TNRC6C: variants seen among roughly 807,000 people sequenced by gnomAD.
TNRC6C encodes trinucleotide repeat containing adaptor 6C.
A neutral mutation model predicts 153.7 loss-of-function variants in TNRC6C; 20 were observed. The observed-to-expected ratio is 0.13, with a 90% confidence interval of 0.09 to 0.19. TNRC6C has a LOEUF of 0.19. Among genes scored for constraint, TNRC6C ranks in the 10% least tolerant of loss-of-function variants. TNRC6C has a pLI of 1.00. For synonymous variants in TNRC6C, 811 were observed against 841.4 expected (o/e 0.96, Z 0.63); for missense variants, 1,987 against 2,172.0 (o/e 0.91, Z 1.69).
chr17:78,036,753 A>G (rs1022010511), intron 2 of TNRC6C, among the ~76,000 whole-genome samples: 4 of 151,790 alleles, frequency 2.6e-5, no homozygotes, highest in African/African-American at 9.7e-5. Context: ...GCGAAACCCC[A>G]TCTCTACTAA....
intron 1 of TNRC6C, among the ~76,000 whole-genome samples, chr17:78,029,676 A>C (rs755607788): frequency 2.0e-5 from 3 of 152,202 alleles, no homozygotes; most frequent in Admixed American, 1.3e-4. Flanking sequence ...TCACTCTTTC[A>C]TAATAACACT....
chr17:78,025,807 G>A (rs1336006979), intron 1 of TNRC6C, among the ~76,000 whole-genome samples: 1 of 152,122 alleles, frequency 6.6e-6, no homozygotes, highest in African/African-American at 2.4e-5. Context: ...TCTATATCAA[G>A]GCCAGGGAAA....
At chr17:78,093,838 T>C in intron 16 of TNRC6C, 75 bp downstream of exon 18, 2 of 1,578,284 alleles carry the variant, frequency 1.3e-6, no homozygotes, top group South Asian at 1.1e-5. Context: ...GGGTGACAGG[T>C]TGGGCTGTGA....
chr17:77,991,986 A>C (rs940113151), intron 1 of TNRC6C, among the ~76,000 whole-genome samples: 11 of 152,152 alleles, frequency 7.2e-5, no homozygotes, highest in African/African-American at 2.7e-4. Flanking sequence ...CTCTCCTTGA[A>C]GATGCAGGTG....
At chr17:78,070,276 C>A (rs1479354094) in intron 5 of TNRC6C, among the ~76,000 whole-genome samples, 2 of 152,036 alleles carry the variant, frequency 1.3e-5, no homozygotes, top group African/African-American at 4.8e-5. Context: ...TTGAAATAGC[C>A]CCAAAATAAG....
At chr17:77,998,120 C>T (rs1463327767) in intron 1 of TNRC6C, among the ~76,000 whole-genome samples, 1 of 152,086 alleles carries the variant, frequency 6.6e-6, no homozygotes, top group Non-Finnish European at 1.5e-5. Context: ...CAGAATAATT[C>T]TGTCGCCCAA....
At chr17:78,090,895 G>A (rs1216655592) in intron 13 of TNRC6C, among the ~76,000 whole-genome samples, 2 of 152,222 alleles carry the variant, frequency 1.3e-5, no homozygotes, top group African/African-American at 4.8e-5. Flanking sequence ...CTGTTTCATA[G>A]GTGGTACTTT....
chr17:78,037,871 A>G (rs932927173), intron 2 of TNRC6C, among the ~76,000 whole-genome samples: 1 of 152,230 alleles, frequency 6.6e-6, no homozygotes, highest in African/African-American at 2.4e-5. Flanking sequence ...AAGAGACTGA[A>G]AAAGCATAAT....
In TNRC6C at chr17:78,049,867, A is replaced by G; in HGVS notation, c.805A>G (p.Asn269Asp). The stretch of plus-strand genomic sequence containing the variant: ...TAGCAATTCTGGGTTCAGTCAGGGG[A>G]ATGGAGACACTGTGAACTCAGCATT... The change falls in exon 3 of 20, where the codon AAT becomes GAT. Residue 269 changes from asparagine to aspartate, a missense_variant. Physicochemically the swap from Asn to Asp is conservative, Grantham distance 23. This residue lies in a region of TNRC6C where 1,052 missense variants were observed against 1,017.0 expected (regional missense o/e 1.03). Coordinates refer to ENST00000301624, the Ensembl canonical transcript of TNRC6C. The surrounding 1 kb of genome is among the most constrained non-coding windows in gnomAD (Gnocchi z 4.1). The G allele has an allele frequency of 6.2e-7, 1 of 1,613,996 alleles. No individual in the cohort carries two copies. The highest frequency in any genetic ancestry group is 8.5e-7 in the Non-Finnish European group (1 of 1,179,882).
intron 2 of TNRC6C, among the ~76,000 whole-genome samples, chr17:78,038,636 G>A (rs1385187698): frequency 6.8e-6 from 1 of 147,882 alleles, no homozygotes; most frequent in African/African-American, 2.5e-5. Flanking sequence ...CTGAGATGGT[G>A]CCACTGCACT....
At chr17:78,088,886 C>G (rs1026657982) in intron 13 of TNRC6C, among the ~76,000 whole-genome samples, 1 of 151,434 alleles carries the variant, frequency 6.6e-6, no homozygotes, top group Non-Finnish European at 1.5e-5. Context: ...TCCTAAAATG[C>G]ATTAGCTTCA....
chr17:77,998,865 T>TA (rs762186682), intron 1 of TNRC6C, among the ~76,000 whole-genome samples: 11 of 152,256 alleles, frequency 7.2e-5, no homozygotes, highest in Non-Finnish European at 1.6e-4. Context: ...GAGTATGTCA[T>TA]ATAGACTTTT....
chr17:78,062,133 T>C (rs1373258247), intron 3 of TNRC6C, among the ~76,000 whole-genome samples: 1 of 152,224 alleles, frequency 6.6e-6, no homozygotes, highest in Non-Finnish European at 1.5e-5. Context: ...TCCTTTCAAT[T>C]TGTAAAACTA....
intron 1 of TNRC6C, among the ~76,000 whole-genome samples, chr17:78,018,276 A>G (rs1012127727): frequency 2.0e-5 from 3 of 152,088 alleles, no homozygotes; most frequent in Non-Finnish European, 2.9e-5. Context: ...ACAGGTGTGC[A>G]TCACCACGCC....
intron 5 of TNRC6C, among the ~76,000 whole-genome samples, chr17:78,068,755 G>A (rs1245186191): frequency 1.3e-5 from 2 of 152,016 alleles, no homozygotes; most frequent in African/African-American, 4.8e-5. Context: ...AGCCAAGATC[G>A]CCTCACTGCA....
chr17:77,999,088 G>C (rs2071372447), intron 1 of TNRC6C, among the ~76,000 whole-genome samples: 1 of 152,176 alleles, frequency 6.6e-6, no homozygotes, highest in African/African-American at 2.4e-5. Flanking sequence ...CCTTTGTTCT[G>C]CTGTTTTGAG....
At chr17:78,033,037 C>T (rs2072106039) in intron 2 of TNRC6C, among the ~76,000 whole-genome samples, 1 of 152,156 alleles carries the variant, frequency 6.6e-6, no homozygotes, top group Admixed American at 6.5e-5. Flanking sequence ...CAATATGGTC[C>T]TTGGGAAAAT....
rs912195299 is a variant in TNRC6C at position 78,079,066 on chromosome 17, G to A, written c.3211-329G>A. ...AGATCGCACTACTGCATTCCAGCCT[G>A]GGTGACAGAGCAAAACTCCATCTAA... On this transcript the variant is annotated intron_variant, in intron 9 of 19. Coordinates refer to ENST00000301624, the Ensembl canonical transcript of TNRC6C. This position sits in a 1 kb window ranked among gnomAD's most constrained non-coding sequence, Gnocchi z 4.3. Among the ~76,000 whole-genome samples the A allele has an allele frequency of 8.6e-5, 13 of 151,820 alleles. No homozygotes were observed. The highest frequency in any genetic ancestry group is 2.9e-5 in the Non-Finnish European group (2 of 67,946).
At chr17:78,016,198 C>CCAGG (rs2071725150) in intron 1 of TNRC6C, among the ~76,000 whole-genome samples, 1 of 152,178 alleles carries the variant, frequency 6.6e-6, no homozygotes, top group Admixed American at 6.5e-5. Context: ...CTGCCGCAGA[C>CCAGG]CAGGGGTCAG....
Sources: gnomAD v4.1 joint callset for allele counts (sites outside exome capture counted in the v4.1 genomes callset) on GRCh38, gnomAD v4.1.1 for gene constraint, gnomAD v4.1.1 regional missense constraint, Gnocchi (gnomAD v3.1) non-coding constraint, MANE v1.5 for transcripts, NCBI Gene and HGNC (gene_info 2026-07-23, HGNC 2026-07-21) for gene names.